The following LCOR variants were observed in gnomAD, a reference collection of about 807,000 sequenced individuals.
LCOR encodes ligand-dependent corepressor.
LCOR carries 14 observed loss-of-function variants against 64.4 expected under a neutral mutation model. The observed-to-expected ratio is 0.22, with a 90% CI of 0.14 to 0.34. LCOR has a LOEUF of 0.34. Ranked by LOEUF, LCOR falls within the 10% of genes least tolerant of loss-of-function variation. The probability of loss-of-function intolerance (pLI) is 1.00; values close to 1 mark genes in which losing one functional copy is unlikely to be tolerated. For synonymous variants in LCOR, 643 were observed against 642.5 expected (o/e 1.00, Z -0.01); for missense variants, 1,686 against 1,765.3 (o/e 0.96, Z 0.80).
intron 4 of LCOR, among the ~76,000 whole-genome samples, chr10:96,943,268 G>C (rs1318133942): frequency 6.6e-6 from 1 of 152,084 alleles, no homozygotes; most frequent in African/African-American, 2.4e-5. Flanking sequence ...GCTAATTTTT[G>C]TATTTTTAGT....
chr10:96,944,810 T>G (rs868319247), intron 5 of LCOR, among the ~76,000 whole-genome samples: 56 of 152,172 alleles, frequency 3.7e-4, no homozygotes, highest in Non-Finnish European at 5.0e-4. Context: ...TTTTTAAAAT[T>G]TATCTTTTTC....
chr10:96,903,167 G>A (rs1846670755), intron 2 of LCOR, among the ~76,000 whole-genome samples: 1 of 152,188 alleles, frequency 6.6e-6, no homozygotes, highest in Admixed American at 6.5e-5. Context: ...GTTGCTCTGA[G>A]TGAGTCAGTG....
rs1281666376 is a variant in LCOR at position 96,980,914 on chromosome 10, C to G, written c.454C>G (p.Leu152Val). 1.4e-6 allele frequency: 1 copy of G among 703,014 alleles called. No individual in the cohort carries two copies. Among genetic ancestry groups the G allele is most frequent in the Admixed American group, 2.0e-5 (1 of 50,008 alleles). The allele number at this position is 703,014 out of a possible 1,614,324, so 43.5% of individuals were successfully genotyped here. ...GCAATTCATTCGTGTTCTGAACGAC[C>G]TGTACACTGAATCTCAACCAGGCAC... is the stretch of plus-strand genomic sequence containing the variant. ...QKQFIRVLND[L>V]YTESQPGTED... Residue 152 changes from leucine (L) to valine (V), a missense_variant, in exon 8 of 8, where the codon CTG (leucine) becomes GTG (valine). Leu to Val is a conservative substitution (Grantham distance 32, BLOSUM62 1). Around this residue, in one of 3 missense-constraint regions of LCOR, gnomAD observed 313 missense variants for 247.2 expected, o/e 1.27. Coordinates refer to ENST00000421806, the MANE Select transcript of LCOR (RefSeq NM_001346516.2).
chr10:96,840,912 C>T (rs1162258285), intron 2 of LCOR, among the ~76,000 whole-genome samples: 1 of 152,192 alleles, frequency 6.6e-6, no homozygotes, highest in Non-Finnish European at 1.5e-5. Context: ...CTGAGGCAGG[C>T]AAGTCGCTTG....
Position 96,990,985 on chromosome 10 carries a change from G to A in LCOR, c.*5851G>A, listed in dbSNP as rs1222228638. 7.1e-6 allele frequency: 1 copy of A among 140,460 alleles called. No individual in the cohort carries two copies. The highest frequency in any genetic ancestry group is 2.7e-5 in the African/African-American group (1 of 37,034). The allele number at this position is 140,460 out of a possible 1,614,324, so 8.7% of individuals were successfully genotyped here. ...TGGTATTACAATATGCCAGGGGTTGGACAAATGGATTTTTTACCCTTTTTT... is the reference window on the plus strand; with the variant it reads ...TGGTATTACAATATGCCAGGGGTTGAACAAATGGATTTTTTACCCTTTTTT... On this transcript the variant is annotated 3_prime_UTR_variant, in exon 8 of 8. Transcript: ENST00000421806.
intron 4 of LCOR, among the ~76,000 whole-genome samples, chr10:96,918,573 A>G (rs1846995147): frequency 6.6e-6 from 1 of 152,226 alleles, no homozygotes; most frequent in Non-Finnish European, 1.5e-5. Flanking sequence ...GGAGAAGCTT[A>G]AGTACTATAC....
At chr10:96,932,639 T>G (rs760691294) in intron 4 of LCOR, among the ~76,000 whole-genome samples, 18 of 151,992 alleles carry the variant, frequency 1.2e-4, no homozygotes, top group Non-Finnish European at 2.1e-4. Context: ...AATTTTTGTA[T>G]TTTTAGTAGA....
chr10:96,835,089 C>CG (rs1195978470), intron 2 of LCOR, among the ~76,000 whole-genome samples: 2 of 152,084 alleles, frequency 1.3e-5, no homozygotes, highest in Non-Finnish European at 2.9e-5. Flanking sequence ...TTGGTAGAGA[C>CG]GGGGTTTCAC....
intron 2 of LCOR, among the ~76,000 whole-genome samples, chr10:96,834,473 A>G (rs1254392557): frequency 6.6e-6 from 1 of 152,208 alleles, no homozygotes; most frequent in Non-Finnish European, 1.5e-5. Context: ...TGCATGTACT[A>G]AAATGTTACG....
Position 96,983,605 on chromosome 10 carries a change from C to T in LCOR, c.3145C>T (p.Leu1049=). 3 of 1,614,194 alleles carry T rather than the reference C, an allele frequency of 1.9e-6. No homozygotes were observed. The highest frequency in any genetic ancestry group is 2.5e-6 in the Non-Finnish European group (3 of 1,180,034). Residue 1049 remains leucine, a synonymous_variant, in exon 8 of 8, where the codon CTG becomes TTG. Coordinates refer to ENST00000421806, the MANE Select transcript of LCOR (RefSeq NM_001346516.2). The surrounding 1 kb of genome is among the most constrained non-coding windows in gnomAD (Gnocchi z 4.5). ...STYNLRHAHS[L]GSLDASKVTS... Reference sequence around the variant, plus strand: ...CTACAACCTAAGACACGCTCATTCTCTGGGCTCCTTGGATGCTTCAAAAGT... The same window carrying T: ...CTACAACCTAAGACACGCTCATTCTTTGGGCTCCTTGGATGCTTCAAAAGT...
chr10:96,888,181 A>C (rs1002551135), intron 2 of LCOR, among the ~76,000 whole-genome samples: 1 of 151,202 alleles, frequency 6.6e-6, no homozygotes, highest in East Asian at 2.0e-4. Flanking sequence ...CCTGGCCAAC[A>C]TGATGAAACC....
At chr10:96,842,567 T>A (rs1723084186) in intron 2 of LCOR, among the ~76,000 whole-genome samples, 1 of 152,104 alleles carries the variant, frequency 6.6e-6, no homozygotes, top group Non-Finnish European at 1.5e-5. Context: ...GCTCCTCTGG[T>A]ACGTTTAGAA....
rs904990353 is a variant in LCOR at position 96,987,105 on chromosome 10, A to G, written c.*1971A>G. ...TTAGTATCTTTGACTTTGGCCATTC[A>G]AGAGCTACCTACATTAATAAAACTG... is the stretch of plus-strand genomic sequence containing the variant. On this transcript the variant is annotated 3_prime_UTR_variant, in exon 8 of 8. Transcript: ENST00000421806. 3.9e-5 allele frequency: 6 copies of G among 152,114 alleles called. No individual in the cohort carries two copies. Among genetic ancestry groups the G allele is most frequent in the African/African-American group, 1.4e-4 (6 of 41,410 alleles). The allele number at this position is 152,114 out of a possible 1,614,324, so 9.4% of individuals were successfully genotyped here. A position where few individuals can be genotyped will look rare whatever the true frequency, so the allele number is the denominator to read the frequency against.
At chr10:96,836,946 T>C (rs1462905879) in intron 2 of LCOR, among the ~76,000 whole-genome samples, 1 of 152,212 alleles carries the variant, frequency 6.6e-6, no homozygotes, top group Admixed American at 6.5e-5. Context: ...GAATGGTAGC[T>C]TTAGTTAAGG....
At chr10:96,942,627 A>G (rs1307243220) in intron 4 of LCOR, among the ~76,000 whole-genome samples, 1 of 152,184 alleles carries the variant, frequency 6.6e-6, no homozygotes, top group Non-Finnish European at 1.5e-5. Context: ...TTTTTACAAT[A>G]TATAATCCAT....
At chr10:96,926,506 G>T (rs563604195) in intron 4 of LCOR, among the ~76,000 whole-genome samples, 3 of 152,224 alleles carry the variant, frequency 2.0e-5, no homozygotes, top group African/African-American at 7.2e-5. Flanking sequence ...TTGAAAGTCA[G>T]TGATATATTC....
At chr10:96,851,190 A>G (rs1845716759) in intron 2 of LCOR, among the ~76,000 whole-genome samples, 1 of 152,234 alleles carries the variant, frequency 6.6e-6, no homozygotes, top group Admixed American at 6.5e-5. Context: ...GCTGGACTGG[A>G]TGATGACTGC....
intron 2 of LCOR, among the ~76,000 whole-genome samples, chr10:96,891,187 C>T (rs1846432861): frequency 6.6e-6 from 1 of 151,978 alleles, no homozygotes; most frequent in Non-Finnish European, 1.5e-5. Context: ...AGTTTTATTA[C>T]AGTTTTCATA....
rs529691201 is a variant in LCOR, at chr10:96,983,031, A to G, written c.2571A>G (p.Lys857=). The G allele has an allele frequency of 1.5e-5, 24 of 1,613,942 alleles. No individual in the cohort carries two copies. Among genetic ancestry groups the G allele is most frequent in the South Asian group, 9.9e-5 (9 of 91,056 alleles). ...VPKNPSAKRS[K]KEGHPGGTTP... Reference sequence around the variant, plus strand: ...AAAATCCTAGTGCAAAACGTTCAAAAAAAGAAGGGCACCCTGGTGGGACAA... The same window carrying G: ...AAAATCCTAGTGCAAAACGTTCAAAGAAAGAAGGGCACCCTGGTGGGACAA... The change falls in exon 8 of 8, where the codon AAA becomes AAG. Residue 857 remains lysine (K), a synonymous_variant. Transcript: ENST00000421806. The surrounding 1 kb of genome is among the most constrained non-coding windows in gnomAD (Gnocchi z 4.5).
Sources: gnomAD v4.1 joint callset for allele counts (sites outside exome capture counted in the v4.1 genomes callset) on GRCh38, gnomAD v4.1.1 for gene constraint, gnomAD v4.1.1 regional missense constraint, Gnocchi (gnomAD v3.1) non-coding constraint, MANE v1.5 for transcripts, NCBI Gene and HGNC (gene_info 2026-07-23, HGNC 2026-07-21) for gene names.